The following SLC4A1 variants were observed in gnomAD, a reference collection of about 807,000 sequenced individuals.
SLC4A1 encodes solute carrier family 4 member 1 (Diego blood group), also known as band 3 anion transport protein.
SLC4A1 carries 29 observed loss-of-function variants against 93.1 expected under a neutral mutation model. The observed-to-expected ratio is 0.31, with a 90% confidence interval of 0.23 to 0.42. SLC4A1 has a LOEUF of 0.42. SLC4A1 is among the 20% of genes least tolerant of loss of function. The probability of loss-of-function intolerance (pLI) is 1.00; values close to 1 mark genes in which losing one functional copy is unlikely to be tolerated. For missense variants in SLC4A1, 965 were observed against 1,190.1 expected (o/e 0.81, Z 2.78); for synonymous variants, 469 against 497.2 (o/e 0.94, Z 0.76).
rs867833983 is a variant in SLC4A1 at position 44,268,053 on chromosome 17, C to T, written c.-69+1G>A. On this transcript the variant is annotated splice_donor_variant, in intron 1 of 19. Coordinates refer to ENST00000262418, the MANE Select transcript of SLC4A1 (RefSeq NM_000342.4). LOFTEE classifies it low-confidence loss of function (5UTR_SPLICE). The stretch of plus-strand genomic sequence containing the variant: ...CCCCAGCCCCTCCCTGCCCTGCCCA[C>T]CTGCTCACGAGCCTCAGGGTCCCTT... The T allele has an allele frequency of 1.0e-6, 1 of 985,344 alleles. No individual in the cohort carries two copies. The highest frequency in any genetic ancestry group is 1.2e-6 in the Non-Finnish European group (1 of 829,868). The allele number at this position is 985,344 out of a possible 1,614,324, so 61.0% of individuals were successfully genotyped here.
intron 1 of SLC4A1, among the ~76,000 whole-genome samples, chr17:44,267,184 C>A (rs12944886): frequency 0.051 from 7,753 of 152,226 alleles, 601 homozygotes; most frequent in East Asian, 0.41. Flanking sequence ...TCCAACAAAA[C>A]AACTGTTAGC....
intron 1 of SLC4A1, among the ~76,000 whole-genome samples, chr17:44,263,663 T>C (rs191767527): frequency 3.7e-4 from 55 of 148,642 alleles, no homozygotes; most frequent in Middle Eastern, 6.8e-3. Flanking sequence ...TGACCCAATC[T>C]GTCATGTTCT....
At chr17:44,259,640 G>A (rs1219846168) in intron 7 of SLC4A1, 59 bp from the exon 8 acceptor site, 12 of 1,518,854 alleles carry the variant, frequency 7.9e-6, no homozygotes, top group Non-Finnish European at 1.0e-5. Context: ...GGAGACCTGA[G>A]CATCCTCCCC....
intron 1 of SLC4A1, among the ~76,000 whole-genome samples, chr17:44,265,433 G>A (rs113846910): frequency 1.3e-5 from 2 of 152,072 alleles, no homozygotes; most frequent in Admixed American, 6.5e-5. Flanking sequence ...GCAGTGGCGC[G>A]ATCTTGGCTC....
At chr17:44,261,988 C>T in intron 3 of SLC4A1, 1 of 1,208,714 alleles carries the variant, frequency 8.3e-7, no homozygotes, top group Non-Finnish European at 1.0e-6. Context: ...CCTCCCTCCC[C>T]TGCCACCTCT....
rs2047406993 is a variant in SLC4A1, at chr17:44,258,113, A to G, written c.1155T>C (p.Asp385=). 1 of 1,613,972 alleles carries G rather than the reference A, an allele frequency of 6.2e-7. No individual in the cohort carries two copies. The highest frequency in any genetic ancestry group is 1.1e-5 in the South Asian group (1 of 91,090). Reference sequence around the variant, plus strand: ...GGTAATAGGGGTAGCGGCGCCGGATATCACGCACCAGGCCCCCGAAGAGCT... The same window carrying G: ...GGTAATAGGGGTAGCGGCGCCGGATGTCACGCACCAGGCCCCCGAAGAGCT... ...TGQLFGGLVR[D]IRRRYPYYLS... The change falls in exon 11 of 20, where the codon GAT becomes GAC. Residue 385 remains aspartate (D), a synonymous_variant. Coordinates refer to ENST00000262418, the MANE Select transcript of SLC4A1 (RefSeq NM_000342.4). This position sits in a 1 kb window ranked among gnomAD's most constrained non-coding sequence, Gnocchi z 6.1.
intron 1 of SLC4A1, among the ~76,000 whole-genome samples, chr17:44,265,225 G>T (rs2047486162): frequency 6.6e-6 from 1 of 152,112 alleles, no homozygotes; most frequent in East Asian, 1.9e-4. Flanking sequence ...CAGCCTCAGT[G>T]CTTCCGAGGT....
chr17:44,264,258 G>C (rs72824707), intron 1 of SLC4A1, among the ~76,000 whole-genome samples: 1 of 152,242 alleles, frequency 6.6e-6, no homozygotes, highest in South Asian at 2.1e-4. Flanking sequence ...TCAGGAGTCC[G>C]AGACCAACTG....
chr17:44,250,107 C>A lies in SLC4A1; in HGVS notation c.*351G>T, dbSNP rs138242019. ...CCAAGGTCACACAGCAAGCACCCCA[C>A]CCGCTCACCCACCTCCTGCCTTTGC... On this transcript the variant is annotated 3_prime_UTR_variant, in exon 20 of 20. Transcript: ENST00000262418. 9.8e-5 allele frequency: 33 copies of A among 336,742 alleles called. No individual in the cohort carries two copies. The East Asian group carries it at 2.2e-3, about 22-fold the overall frequency. The allele number at this position is 336,742 out of a possible 1,614,324, so 20.9% of individuals were successfully genotyped here. A position where few individuals can be genotyped will look rare whatever the true frequency, so the allele number is the denominator to read the frequency against.
rs1025283538 is a variant in SLC4A1, at chr17:44,261,884, G to A, written c.107-248C>T. On this transcript the variant is annotated intron_variant, in intron 3 of 19. Transcript: ENST00000262418. ...CGAGGACACCCGGGATTCAGCCAGGGAGGCCTAGCCCCTCCGCAGTGATGA... is the reference window on the plus strand; with the variant it reads ...CGAGGACACCCGGGATTCAGCCAGGAAGGCCTAGCCCCTCCGCAGTGATGA... The A allele has an allele frequency of 1.8e-4, 191 of 1,034,042 alleles. 1 individual carries two copies. Among genetic ancestry groups the A allele is most frequent in the Admixed American group, 1.3e-4 (5 of 39,632 alleles). The allele number at this position is 1,034,042 out of a possible 1,614,324, so 64.1% of individuals were successfully genotyped here.
In SLC4A1 at chr17:44,258,536, G is replaced by A. The variant is rs772367319; in HGVS notation, c.964C>T (p.Pro322Ser). 3 of 1,613,828 alleles carry A rather than the reference G, an allele frequency of 1.9e-6. No individual in the cohort carries two copies. The highest frequency in any genetic ancestry group is 2.5e-6 in the Non-Finnish European group (3 of 1,179,938). Residue 322 changes from proline (P) to serine (S), a missense_variant, in exon 10 of 20, where the codon CCT becomes TCT. Coordinates refer to ENST00000262418, the MANE Select transcript of SLC4A1 (RefSeq NM_000342.4). This position sits in a 1 kb window ranked among gnomAD's most constrained non-coding sequence, Gnocchi z 6.1. ...EGFLDCSLVL[P>S]PTDAPSEQAL... is the part of the protein sequence containing the mutation. ...TGCTCGGAGGGGGCATCGGTGGGAG[G>A]CAGCACTAGGCTGCAGTCCAGGAAG...
In SLC4A1 at chr17:44,251,203, G is replaced by A. The variant is rs879191534; in HGVS notation, c.2611C>T (p.Arg871Cys). The A allele has an allele frequency of 3.1e-6, 5 of 1,613,180 alleles. No homozygotes were observed. The highest frequency in any genetic ancestry group is 1.1e-5 in the South Asian group (1 of 90,922). The change falls in exon 19 of 20, where the codon CGC becomes TGC. Residue 871 changes from arginine (R) to cysteine (C), a missense_variant. Physicochemically the swap from Arg to Cys is radical, Grantham distance 180. This residue lies in a region of SLC4A1 where 770 missense variants were observed against 1,006.6 expected (regional missense o/e 0.76). Coordinates refer to ENST00000262418, the MANE Select transcript of SLC4A1 (RefSeq NM_000342.4). Reference sequence around the variant, plus strand: ...CTGAAGATGAGCGGCAGCAGGACGCGCCGCAGCGGCACAGTGAGGATGAGG... The same window carrying A: ...CTGAAGATGAGCGGCAGCAGGACGCACCGCAGCGGCACAGTGAGGATGAGG... ...FVLILTVPLR[R>C]VLLPLIFRNV...
intron 1 of SLC4A1, among the ~76,000 whole-genome samples, chr17:44,263,711 T>TTCCTTCCTTCCTTCCTTCCCTCCCTTCCC (rs2047469827): frequency 1.2e-4 from 1 of 8,580 alleles, no homozygotes; most frequent in African/African-American, 1.8e-4. Context: ...CCTTCCCTCC[T>TTCCTTCCTTCCTTCCTTCCCTCCCTTCCC]TCCTTCCTTC....
intron 19 of SLC4A1, 146 bp downstream of exon 19, chr17:44,251,013 C>A: frequency 1.2e-6 from 1 of 867,202 alleles, no homozygotes; most frequent in Non-Finnish European, 1.9e-6. Flanking sequence ...TGCTCCAGAT[C>A]ATATGCTAGG....
At chr17:44,254,474 CA>C in intron 16 of SLC4A1, 21 bp downstream of exon 16, 38 of 1,571,918 alleles carry the variant, frequency 2.4e-5, no homozygotes, top group Non-Finnish European at 3.1e-5. Flanking sequence ...CTCCCAGGCC[CA>C]GCCCCCACCC....
Position 44,251,203 on chromosome 17 carries a change from GC to G in SLC4A1, c.2610del (p.Arg871AlafsTer157). On this transcript the variant is annotated frameshift_variant, in exon 19 of 20. Coordinates refer to ENST00000262418, the MANE Select transcript of SLC4A1 (RefSeq NM_000342.4). LOFTEE classifies it low-confidence loss of function (END_TRUNC). ...CTGAAGATGAGCGGCAGCAGGACGC[GC>G]CGCAGCGGCACAGTGAGGATGAGGA... The part of the protein sequence containing the change: ...PFVLILTVPL[R>X]RVLLPLIFRN... The G allele has an allele frequency of 6.2e-7, 1 of 1,613,180 alleles. No individual in the cohort carries two copies. The highest frequency in any genetic ancestry group is 8.5e-7 in the Non-Finnish European group (1 of 1,179,666).
At position 44,261,565 on chromosome 17, in the gene SLC4A1, G is replaced by C; in HGVS notation, c.168+10C>G. ...GCATGGGAAAGAACGGAGGAGGCTG[G>C]GGTCCTCACCTTGTGGGTACCCGGG... On this transcript the variant is annotated intron_variant, in intron 4 of 19. Coordinates refer to ENST00000262418, the MANE Select transcript of SLC4A1 (RefSeq NM_000342.4). The C allele has an allele frequency of 2.5e-6, 4 of 1,614,202 alleles. No individual in the cohort carries two copies. Among genetic ancestry groups the C allele is most frequent in the Non-Finnish European group, 8.5e-7 (1 of 1,180,020 alleles).
intron 1 of SLC4A1, among the ~76,000 whole-genome samples, chr17:44,265,157 C>T (rs778873866): frequency 1.3e-5 from 2 of 151,190 alleles, no homozygotes; most frequent in Non-Finnish European, 2.9e-5. Flanking sequence ...GAACAAGGCC[C>T]GTCTCTACTC....
chr17:44,254,255 C>A (rs1567829931), intron 16 of SLC4A1, among the ~76,000 whole-genome samples: 1 of 151,930 alleles, frequency 6.6e-6, no homozygotes, highest in African/African-American at 2.4e-5. Context: ...GGATTACGGG[C>A]GTGAGCCACC....
Sources: gnomAD v4.1 joint callset for allele counts (sites outside exome capture counted in the v4.1 genomes callset) on GRCh38, gnomAD v4.1.1 for gene constraint, gnomAD v4.1.1 regional missense constraint, Gnocchi (gnomAD v3.1) non-coding constraint, MANE v1.5 for transcripts, NCBI Gene and HGNC (gene_info 2026-07-23, HGNC 2026-07-21) for gene names.